GALNT17: variants seen among roughly 807,000 people sequenced by gnomAD.
GALNT17 encodes the protein UDP-GalNAc:polypeptide N-acetylgalactosaminyltransferase-like 3.
A neutral mutation model predicts 63.7 loss-of-function variants in GALNT17; 29 were observed. That is an observed-to-expected ratio of 0.46 (90% CI 0.34 to 0.62). The LOEUF (loss-of-function observed/expected upper bound fraction) is 0.62. Among genes scored for constraint, GALNT17 ranks in the 20% least tolerant of loss-of-function variants. GALNT17 has a pLI of 0.01. For synonymous variants in GALNT17, 305 were observed against 318.3 expected, an observed-to-expected ratio of 0.96 and a Z score of 0.45; for missense variants, 603 against 799.6, an observed-to-expected ratio of 0.75 and a Z score of 2.97.
rs138489754 is a variant in GALNT17, at chr7:71,302,204, G to C, written c.239-33346G>C. On this transcript the variant is annotated intron_variant, in intron 1 of 10. Transcript: ENST00000333538. ...ACACACTGGGGCCTGTTGGGAGAGG[G>C]CAGGGGTGGGGAGAGCATCAGGGAA... Among the ~76,000 whole-genome samples, 863 of 152,266 alleles carry C rather than the reference G, an allele frequency of 5.7e-3. 9 individuals are homozygous for C. The highest frequency in any genetic ancestry group is 0.02 in the African/African-American group (823 of 41,554).
chr7:71,430,967 G>A (rs1195701322), intron 5 of GALNT17, among the ~76,000 whole-genome samples: 6 of 152,108 alleles, frequency 3.9e-5, no homozygotes, highest in African/African-American at 1.4e-4. Flanking sequence ...TGATTATCCT[G>A]TCTTGATGGA....
At chr7:71,233,662 T>C (rs1583783891) in intron 1 of GALNT17, among the ~76,000 whole-genome samples, 1 of 152,068 alleles carries the variant, frequency 6.6e-6, no homozygotes, top group South Asian at 2.1e-4. Context: ...GGATGGTGGG[T>C]GCATCTCTAC....
intron 6 of GALNT17, among the ~76,000 whole-genome samples, chr7:71,572,518 A>AC (rs1554310755): frequency 4.4e-4 from 66 of 148,930 alleles, no homozygotes; most frequent in Admixed American, 7.4e-4. Flanking sequence ...AAAAAAAAAA[A>AC]AAAAAAAAAA....
chr7:71,478,213 A>G (rs1452135539), intron 5 of GALNT17, among the ~76,000 whole-genome samples: 1 of 152,166 alleles, frequency 6.6e-6, no homozygotes. Flanking sequence ...GGCTGTGGGA[A>G]CATTTATCCT....
intron 4 of GALNT17, among the ~76,000 whole-genome samples, chr7:71,418,733 A>T (rs1786597908): frequency 6.6e-6 from 1 of 152,222 alleles, no homozygotes. Flanking sequence ...GGACATCCCC[A>T]GGGAGGAGGG....
At chr7:71,659,120 G>A (rs528969870) in intron 6 of GALNT17, among the ~76,000 whole-genome samples, 55 of 152,208 alleles carry the variant, frequency 3.6e-4, no homozygotes, top group African/African-American at 1.3e-3. Flanking sequence ...TGACCTCCAG[G>A]TAATTGCCTG....
At chr7:71,524,484 C>CT (rs1788592349) in intron 5 of GALNT17, among the ~76,000 whole-genome samples, 1 of 151,976 alleles carries the variant, frequency 6.6e-6, no homozygotes, top group Non-Finnish European at 1.5e-5. Context: ...ACATCAAACT[C>CT]TGACAAAACT....
chr7:71,439,442 C>G (rs999072316), intron 5 of GALNT17, among the ~76,000 whole-genome samples: 2 of 152,134 alleles, frequency 1.3e-5, no homozygotes, highest in African/African-American at 4.8e-5. Context: ...AGATAGCTTT[C>G]CTTTGGAAGC....
intron 1 of GALNT17, among the ~76,000 whole-genome samples, chr7:71,311,363 G>C (rs1482086500): frequency 3.9e-5 from 6 of 152,148 alleles, no homozygotes; most frequent in African/African-American, 1.4e-4. Context: ...TACCGGAATG[G>C]GGCTCAGTGG....
At chr7:71,537,980 C>T (rs570307171) in intron 5 of GALNT17, among the ~76,000 whole-genome samples, 4 of 152,204 alleles carry the variant, frequency 2.6e-5, no homozygotes, top group African/African-American at 9.6e-5. Flanking sequence ...CCCTGGAGCC[C>T]ATGGAGGAAG....
intron 6 of GALNT17, among the ~76,000 whole-genome samples, chr7:71,655,891 T>C (rs548565589): frequency 1.6e-4 from 25 of 152,280 alleles, no homozygotes; most frequent in Admixed American, 5.2e-4. Flanking sequence ...TGTTGAGTTC[T>C]ATAAGGGCCC....
intron 1 of GALNT17, among the ~76,000 whole-genome samples, chr7:71,249,423 C>T (rs1790157554): frequency 1.3e-5 from 2 of 152,060 alleles, no homozygotes; most frequent in African/African-American, 4.8e-5. Context: ...GAGCACATAC[C>T]TCCAATACCT....
intron 6 of GALNT17, among the ~76,000 whole-genome samples, chr7:71,575,623 C>T (rs955692805): frequency 1.3e-5 from 2 of 152,004 alleles, no homozygotes; most frequent in Non-Finnish European, 2.9e-5. Context: ...CTCCTGACCT[C>T]GTGATCCGCC....
rs543446754 is a variant in GALNT17 at position 71,703,145 on chromosome 7, A to C, written c.1501-7616A>C. 5.3e-5 allele frequency among the ~76,000 whole-genome samples: 8 copies of C among 152,376 alleles called. No individual in the cohort carries two copies. The South Asian group carries it at 8.3e-4, about 16-fold the overall frequency. ...GACTACATATAGGAGAAGTTATATC[A>C]ACTGTACTCAGCACAGCGCCTGGGG... On this transcript the variant is annotated intron_variant, in intron 9 of 10. Coordinates refer to ENST00000333538, the MANE Select transcript of GALNT17 (RefSeq NM_022479.3).
intron 9 of GALNT17, among the ~76,000 whole-genome samples, chr7:71,684,108 C>T (rs1032070035): frequency 1.2e-4 from 19 of 152,132 alleles, no homozygotes; most frequent in African/African-American, 4.6e-4. Context: ...TCTAAGGAGA[C>T]CCACAGACCC....
In GALNT17 at chr7:71,239,299, C is replaced by T. The variant is rs1055319235; in HGVS notation, c.239-96251C>T. Reference sequence around the variant, plus strand: ...ACATGGTGAGACCCTGTCTGTACCCCCCCCCAAAAAAAAATAAATAAAAAT... The same window carrying T: ...ACATGGTGAGACCCTGTCTGTACCCTCCCCCAAAAAAAAATAAATAAAAAT... On this transcript the variant is annotated intron_variant, in intron 1 of 10. Coordinates refer to ENST00000333538, the MANE Select transcript of GALNT17 (RefSeq NM_022479.3). 5.9e-5 allele frequency among the ~76,000 whole-genome samples: 7 copies of T among 119,136 alleles called. No individual in the cohort carries two copies. The East Asian group carries it at 1.1e-3, about 19-fold the overall frequency. The allele number at this position is 119,136 out of a possible 152,430, so 78.2% of individuals were successfully genotyped here. A position where few individuals can be genotyped will look rare whatever the true frequency, so the allele number is the denominator to read the frequency against.
chr7:71,214,974 T>A (rs1789451285), intron 1 of GALNT17, among the ~76,000 whole-genome samples: 1 of 152,246 alleles, frequency 6.6e-6, no homozygotes, highest in Non-Finnish European at 1.5e-5. Flanking sequence ...TCTACTTGAT[T>A]CTCTGTAACA....
chr7:71,167,045 CTTTTTTTTT>C (rs35735311), intron 1 of GALNT17, among the ~76,000 whole-genome samples: 1 of 115,486 alleles, frequency 8.7e-6, no homozygotes, highest in Non-Finnish European at 1.7e-5. Context: ...TGGCTAAGTA[CTTTTTTTTT>C]TTTTTTTTTT....
chr7:71,420,794 A>G, intron 4 of GALNT17, 114 bp from the exon 5 acceptor site: 1 of 1,287,212 alleles, frequency 7.8e-7, no homozygotes, highest in Non-Finnish European at 1.1e-6. Flanking sequence ...TCTGAGTTCC[A>G]GCCTTCCCAA....
Sources: gnomAD v4.1 joint callset for allele counts (sites outside exome capture counted in the v4.1 genomes callset) on GRCh38, gnomAD v4.1.1 for gene constraint, MANE v1.5 for transcripts, NCBI Gene and HGNC (gene_info 2026-07-23, HGNC 2026-07-21) for gene names.